Variants in TSNAX observed in about 807,000 individuals in gnomAD.
TSNAX encodes translin associated factor X, also known as translin-associated protein X.
A neutral mutation model predicts 33.0 loss-of-function variants in TSNAX; 12 were observed. The ratio of observed to expected loss-of-function variants is 0.36; its 90% CI spans 0.23 to 0.59. The LOEUF is 0.59. Ranked by LOEUF, TSNAX falls within the 20% of genes least tolerant of loss-of-function variation. The pLI is 0.74. For missense variants in TSNAX, 267 were observed against 341.3 expected (o/e 0.78, Z 1.72); for synonymous variants, 110 against 117.2 (o/e 0.94, Z 0.40).
intron 4 of TSNAX, among the ~76,000 whole-genome samples, chr1:231,560,291 AATTTT>A: frequency 6.7e-6 from 1 of 149,928 alleles, no homozygotes; most frequent in South Asian, 2.1e-4. Flanking sequence ...AATGATTCTT[AATTTT>A]ATGTCTCATT....
intron 2 of TSNAX, chr1:231,536,494 G>A (rs972635038): frequency 6.6e-5 from 10 of 152,158 alleles, no homozygotes; most frequent in African/African-American, 2.4e-4. Flanking sequence ...TAATATACAC[G>A]TGCTACCTTA....
chr1:231,532,159 C>CACACACACAT (rs1553265104), intron 2 of TSNAX, among the ~76,000 whole-genome samples: 1 of 89,350 alleles, frequency 1.1e-5, no homozygotes, highest in African/African-American at 3.9e-5. Flanking sequence ...CACACACACA[C>CACACACACAT]ACACACACAC....
chr1:231,539,519 G>A (rs1318479910), intron 3 of TSNAX, among the ~76,000 whole-genome samples: 1 of 152,142 alleles, frequency 6.6e-6, no homozygotes, highest in Non-Finnish European at 1.5e-5. Flanking sequence ...ACCTGTAATA[G>A]GAATATGACA....
At chr1:231,558,884 C>T (rs1284667828) in intron 4 of TSNAX, among the ~76,000 whole-genome samples, 1 of 151,884 alleles carries the variant, frequency 6.6e-6, no homozygotes, top group African/African-American at 2.4e-5. Context: ...CCCTTCTGAC[C>T]TATATTTGGG....
chr1:231,529,829 C>T (rs1658541328), intron 2 of TSNAX, among the ~76,000 whole-genome samples: 1 of 152,194 alleles, frequency 6.6e-6, no homozygotes, highest in Admixed American at 6.5e-5. Context: ...CTTTTCTCAG[C>T]ATATTAACTT....
chr1:231,555,098 TATGAATAGTC>T (rs1248186510), intron 4 of TSNAX, among the ~76,000 whole-genome samples: 4 of 152,220 alleles, frequency 2.6e-5, no homozygotes, highest in Non-Finnish European at 4.4e-5. Context: ...CTTGAACAGG[TATGAATAGTC>T]ATGTTTACAG....
chr1:231,529,297 A>G lies in TSNAX; in HGVS notation c.59A>G (p.His20Arg), dbSNP rs748769707. 3.1e-6 allele frequency: 5 copies of G among 1,614,232 alleles called. No individual in the cohort carries two copies. Among genetic ancestry groups the G allele is most frequent in the South Asian group, 1.1e-5 (1 of 91,092 alleles). The change falls in exon 2 of 6, where the codon CAT (histidine) becomes CGT (arginine). Residue 20 changes from histidine (H) to arginine (R), a missense_variant. His to Arg is a conservative substitution (Grantham distance 29). Transcript: ENST00000366639. ...FRKRKHDNFP[H>R]NQRREGKDVN... ...AAAAGGAAGCATGACAATTTCCCAC[A>G]TAACCAAAGAAGAGAAGGGAAGGAT... is the stretch of plus-strand genomic sequence containing the variant.
chr1:231,557,185 T>G (rs542431183), intron 4 of TSNAX, among the ~76,000 whole-genome samples: 9 of 152,220 alleles, frequency 5.9e-5, no homozygotes, highest in Non-Finnish European at 1.3e-4. Flanking sequence ...TGGATGTGAG[T>G]GCCTGTTGGC....
chr1:231,541,536 G>A (rs1318049306), intron 3 of TSNAX, among the ~76,000 whole-genome samples: 1 of 151,974 alleles, frequency 6.6e-6, no homozygotes, highest in Non-Finnish European at 1.5e-5. Flanking sequence ...TTCTACTTTT[G>A]TTGTTTCCAC....
chr1:231,561,246 AAAT>A lies in TSNAX; in HGVS notation c.489_491del (p.Asn163del), dbSNP rs369619096. The A allele has an allele frequency of 1.6e-5, 25 of 1,522,190 alleles. No homozygotes were observed. The African/African-American group carries it at 2.1e-4, about 13-fold the overall frequency. 94.3% of individuals were successfully genotyped at this position (1,522,190 alleles called of 1,614,324 possible). On this transcript the variant is annotated inframe_deletion, in exon 5 of 6. Transcript: ENST00000366639. ...TTACGACTGAAGACAATGGGAAAGA[AAAT>A]AAAACTGTGAGAATTTAAAATTTAT...
chr1:231,537,295 A>G lies in TSNAX; in HGVS notation c.204A>G (p.Lys68=), dbSNP rs1220482540. Residue 68 remains lysine, a synonymous_variant, in exon 3 of 6, where the codon AAA becomes AAG. Transcript: ENST00000366639. Reference sequence around the variant, plus strand: ...GTCGGGATATAACTGTTGAAAGTAAAAGGACAATTTTTCTCCTCCATAGGA... The same window carrying G: ...GTCGGGATATAACTGTTGAAAGTAAGAGGACAATTTTTCTCCTCCATAGGA... ...KLSRDITVES[K]RTIFLLHRIT... 2.5e-6 allele frequency: 4 copies of G among 1,613,412 alleles called. No individual in the cohort carries two copies. Among genetic ancestry groups the G allele is most frequent in the Non-Finnish European group, 3.4e-6 (4 of 1,179,764 alleles).
At chr1:231,547,300 T>C (rs1659975901) in intron 4 of TSNAX, among the ~76,000 whole-genome samples, 1 of 152,154 alleles carries the variant, frequency 6.6e-6, no homozygotes, top group Middle Eastern at 3.2e-3. Context: ...CTGATAGACT[T>C]TCTGCTAGAC....
At chr1:231,534,533 T>C (rs540535318) in intron 2 of TSNAX, 1 of 152,348 alleles carries the variant, frequency 6.6e-6, no homozygotes, top group East Asian at 1.9e-4. Flanking sequence ...TAAAATTAAC[T>C]TATATTACTA....
chr1:231,556,903 T>A (rs1382426542), intron 4 of TSNAX, among the ~76,000 whole-genome samples: 2 of 151,880 alleles, frequency 1.3e-5, no homozygotes, highest in Non-Finnish European at 2.9e-5. Flanking sequence ...CATGGTCTTA[T>A]AAGCCACGTT....
chr1:231,563,746 A>G (rs756079374), intron 5 of TSNAX: 5 of 151,690 alleles, frequency 3.3e-5, no homozygotes, highest in Non-Finnish European at 7.3e-5. Flanking sequence ...AAATTGGGCA[A>G]GGTTGTCTAC....
At chr1:231,540,875 G>A (rs1412492556) in intron 3 of TSNAX, among the ~76,000 whole-genome samples, 1 of 152,100 alleles carries the variant, frequency 6.6e-6, no homozygotes, top group Non-Finnish European at 1.5e-5. Context: ...TCATTATGAT[G>A]GTATCCCTGG....
intron 2 of TSNAX, among the ~76,000 whole-genome samples, chr1:231,532,137 C>CACACAT (rs2124876086): frequency 1.6e-5 from 1 of 60,688 alleles, no homozygotes; most frequent in South Asian, 3.9e-4. Flanking sequence ...TAATAACACA[C>CACACAT]ACACACACAC....
intron 5 of TSNAX, among the ~76,000 whole-genome samples, chr1:231,563,803 G>A (rs1661264813): frequency 2.0e-5 from 3 of 152,104 alleles, no homozygotes; most frequent in Non-Finnish European, 4.4e-5. Flanking sequence ...GAGGAGAGTG[G>A]TGAAAGGTTT....
intron 4 of TSNAX, among the ~76,000 whole-genome samples, chr1:231,555,937 A>G (rs1660663881): frequency 6.6e-6 from 1 of 152,198 alleles, no homozygotes; most frequent in South Asian, 2.1e-4. Context: ...AGAGCCTTGG[A>G]TAATGAAAGA....
Sources: gnomAD v4.1 joint callset for allele counts (sites outside exome capture counted in the v4.1 genomes callset) on GRCh38, gnomAD v4.1.1 for gene constraint, MANE v1.5 for transcripts, NCBI Gene and HGNC (gene_info 2026-07-23, HGNC 2026-07-21) for gene names.